The following ADAM22 variants were observed in gnomAD, a reference collection of about 807,000 sequenced individuals.
ADAM22 encodes ADAM metallopeptidase domain 22.
ADAM22 carries 65 observed loss-of-function variants against 144.6 expected under a neutral mutation model. That is an observed-to-expected ratio of 0.45 (90% confidence interval 0.37 to 0.55). The LOEUF is 0.55. ADAM22 is among the 20% of genes least tolerant of loss of function. ADAM22 has a pLI of 0.00. For synonymous variants in ADAM22, 391 were observed against 412.6 expected (o/e 0.95, Z 0.63); for missense variants, 974 against 1,184.9 (o/e 0.82, Z 2.61).
chr7:88,171,729 G>T (rs941698062), intron 26 of ADAM22, among the ~76,000 whole-genome samples, 168 bp downstream of exon 26: 35 of 151,738 alleles, frequency 2.3e-4, no homozygotes, highest in African/African-American at 8.5e-4. Flanking sequence ...ATGGTGCTGT[G>T]AAATATAGCA....
rs201928330 is a variant in ADAM22 at position 88,186,689 on chromosome 7, G to A, written c.2738G>A (p.Gly913Glu). The change falls in exon 30 of 32, where the codon GGA (glycine) becomes GAA (glutamate). Residue 913 changes from glycine (G) to glutamate (E), a missense_variant. Coordinates refer to ENST00000413139, the MANE Select transcript of ADAM22 (RefSeq NM_001324418.2). ...WVEDVNKNTE[G>E]PYFRTLSPAK... ...GAAGATGTGAATAAAAACACTGAAG[G>A]ACCATACTTTAGGTATTTTATAAAT... is the stretch of plus-strand genomic sequence containing the variant. 1.2e-4 allele frequency: 192 copies of A among 1,599,708 alleles called. 3 individuals are homozygous for A. The highest frequency in any genetic ancestry group is 8.3e-4 in the Middle Eastern group (5 of 6,004).
intron 5 of ADAM22, among the ~76,000 whole-genome samples, chr7:88,112,527 A>C (rs536978796): frequency 6.6e-6 from 1 of 152,202 alleles, no homozygotes; most frequent in Non-Finnish European, 1.5e-5. Context: ...CTGAATGATA[A>C]GACAAGTTTC....
chr7:88,070,896 C>G (rs1812563752), intron 3 of ADAM22, among the ~76,000 whole-genome samples: 1 of 152,038 alleles, frequency 6.6e-6, no homozygotes, highest in Non-Finnish European at 1.5e-5. Flanking sequence ...TGAGGGAGCA[C>G]AGTAGAGATG....
At chr7:88,039,166 C>T (rs980589582) in intron 3 of ADAM22, among the ~76,000 whole-genome samples, 8 of 151,700 alleles carry the variant, frequency 5.3e-5, no homozygotes, top group East Asian at 2.0e-4. Flanking sequence ...TTTCATGGGC[C>T]GGGCATGGTG....
At position 88,113,703 on chromosome 7, in the gene ADAM22, A is replaced by ATATATATAT. The variant is rs1554478728; in HGVS notation, c.474-881_474-880insTATATATAT. Among the ~76,000 whole-genome samples the ATATATATAT allele has an allele frequency of 1.7e-3, 80 of 48,086 alleles. 1 individual carries two copies. Among genetic ancestry groups the ATATATATAT allele is most frequent in the African/African-American group, 2.6e-3 (33 of 12,490 alleles). The allele number at this position is 48,086 out of a possible 152,430, so 31.5% of individuals were successfully genotyped here. ...TATATATATTATAAATAAATAAATA[A>ATATATATAT]ATATATATATATATATATATATATA... On this transcript the variant is annotated intron_variant, in intron 5 of 31. Transcript: ENST00000413139.
chr7:88,141,752 A>G (rs1454264915), intron 14 of ADAM22, among the ~76,000 whole-genome samples: 2 of 152,134 alleles, frequency 1.3e-5, no homozygotes, highest in East Asian at 1.9e-4. Context: ...TTATTAATAT[A>G]TATCACAGTT....
At chr7:88,191,304 A>G (rs1849573850) in intron 30 of ADAM22, among the ~76,000 whole-genome samples, 1 of 152,258 alleles carries the variant, frequency 6.6e-6, no homozygotes, top group African/African-American at 2.4e-5. Flanking sequence ...GCCAAGTTAA[A>G]GCTGGAATGA....
At chr7:87,935,818 T>C (rs976645072) in intron 2 of ADAM22, among the ~76,000 whole-genome samples, 4 of 152,218 alleles carry the variant, frequency 2.6e-5, no homozygotes, top group African/African-American at 7.2e-5. Flanking sequence ...TTATAAATTA[T>C]GTTTTTAAAA....
intron 7 of ADAM22, among the ~76,000 whole-genome samples, chr7:88,122,062 G>T (rs369965797): frequency 6.6e-6 from 1 of 152,170 alleles, no homozygotes; most frequent in African/African-American, 2.4e-5. Flanking sequence ...CTTACAGGCT[G>T]CAGTCAAGGT....
At chr7:87,976,928 G>A (rs781276624) in intron 2 of ADAM22, among the ~76,000 whole-genome samples, 20 of 151,588 alleles carry the variant, frequency 1.3e-4, no homozygotes, top group Non-Finnish European at 2.1e-4. Flanking sequence ...TTTTGATAAG[G>A]AGCCAACTTT....
chr7:88,126,027 C>T (rs559509882), intron 8 of ADAM22, among the ~76,000 whole-genome samples: 14 of 151,994 alleles, frequency 9.2e-5, no homozygotes, highest in African/African-American at 3.4e-4. Flanking sequence ...GAAGATAACC[C>T]CTTAGGAATG....
chr7:88,149,086 T>G (rs1422986917), intron 18 of ADAM22, 29 bp downstream of exon 18: 1 of 1,572,768 alleles, frequency 6.4e-7, no homozygotes. Flanking sequence ...GCTCTAAAAC[T>G]TATGGGAAAA....
intron 22 of ADAM22, among the ~76,000 whole-genome samples, chr7:88,161,811 A>G (rs1414732595): frequency 6.6e-6 from 1 of 152,030 alleles, no homozygotes; most frequent in Non-Finnish European, 1.5e-5. Flanking sequence ...AAAAAATAAC[A>G]TGCTGGCAAG....
At chr7:88,108,733 A>C (rs1005646553) in intron 5 of ADAM22, among the ~76,000 whole-genome samples, 15 of 113,768 alleles carry the variant, frequency 1.3e-4, no homozygotes, top group Admixed American at 4.4e-4. Flanking sequence ...TGATTCAAAA[A>C]AAATAAAGAA....
intron 3 of ADAM22, among the ~76,000 whole-genome samples, chr7:87,994,821 T>C (rs546688225): frequency 1.8e-3 from 271 of 152,138 alleles, no homozygotes; most frequent in Non-Finnish European, 2.7e-3. Context: ...GAAACAGCTT[T>C]CTAGCATTGT....
chr7:88,123,481 A>C (rs1829769413), intron 7 of ADAM22, among the ~76,000 whole-genome samples: 2 of 152,204 alleles, frequency 1.3e-5, no homozygotes, highest in Non-Finnish European at 2.9e-5. Flanking sequence ...TTTCATCTAA[A>C]TTAACAAATT....
intron 30 of ADAM22, among the ~76,000 whole-genome samples, chr7:88,187,063 A>G (rs1215925431): frequency 6.6e-6 from 1 of 152,232 alleles, no homozygotes; most frequent in Non-Finnish European, 1.5e-5. Flanking sequence ...TCTAGAATCT[A>G]GCAGTTTCAT....
intron 4 of ADAM22, among the ~76,000 whole-genome samples, chr7:88,080,937 T>C (rs1816390443): frequency 6.6e-6 from 1 of 152,164 alleles, no homozygotes; most frequent in Middle Eastern, 3.2e-3. Flanking sequence ...TACCATTCCT[T>C]CTGAAACTAT....
intron 3 of ADAM22, among the ~76,000 whole-genome samples, chr7:88,002,706 G>T (rs1792864391): frequency 6.6e-6 from 1 of 152,226 alleles, no homozygotes; most frequent in Non-Finnish European, 1.5e-5. Flanking sequence ...ATCAGTACAA[G>T]GATCTGGGTG....
Sources: gnomAD v4.1 joint callset for allele counts (sites outside exome capture counted in the v4.1 genomes callset) on GRCh38, gnomAD v4.1.1 for gene constraint, MANE v1.5 for transcripts, NCBI Gene and HGNC (gene_info 2026-07-23, HGNC 2026-07-21) for gene names.